The following SSBP1 variants were observed in gnomAD, a reference collection of about 807,000 sequenced individuals.
The protein encoded by SSBP1 is single stranded DNA binding protein 1.
SSBP1 carries 20 observed loss-of-function variants against 27.0 expected under a neutral mutation model. The ratio of observed to expected loss-of-function variants is 0.74; its 90% CI spans 0.52 to 1.08. SSBP1 has a LOEUF of 1.08. Ranked by LOEUF, SSBP1 falls within the 50% of genes least tolerant of loss-of-function variation. The pLI, the probability that SSBP1 is intolerant of heterozygous loss-of-function variation, is 0.00. For synonymous variants in SSBP1, 59 were observed against 59.3 expected, an observed-to-expected ratio of 1.00 and a Z score of 0.02; for missense variants, 137 against 182.4, an observed-to-expected ratio of 0.75 and a Z score of 1.44.
intron 2 of SSBP1, chr7:141,740,489 C>G (rs1301084152): frequency 2.0e-5 from 3 of 152,186 alleles, no homozygotes; most frequent in Admixed American, 2.0e-4. Context: ...TCACTTGCCA[C>G]ATACTTCCTG....
chr7:141,750,240 TAG>T, intron 6 of SSBP1, 69 bp from the exon 7 acceptor site: 1 of 1,111,032 alleles, frequency 9.0e-7, no homozygotes. Context: ...TTATATGTAT[TAG>T]AGGAGAATTA....
At chr7:141,741,106 C>T (rs998693868) in intron 2 of SSBP1, 1 of 152,190 alleles carries the variant, frequency 6.6e-6, no homozygotes, top group African/African-American at 2.4e-5. Context: ...CTTTTTGGCA[C>T]TGATAACTGG....
chr7:141,745,419 C>A, intron 5 of SSBP1, 77 bp from the exon 6 acceptor site: 1 of 1,243,530 alleles, frequency 8.0e-7, no homozygotes, highest in Non-Finnish European at 1.1e-6. Flanking sequence ...TTGTCATATA[C>A]TCAGTACCAC....
intron 2 of SSBP1, chr7:141,740,581 T>G (rs996134849): frequency 2.0e-5 from 3 of 152,134 alleles, no homozygotes; most frequent in African/African-American, 7.2e-5. Context: ...ACTTGTAGAT[T>G]TAGTTTTAGA....
intron 6 of SSBP1, among the ~76,000 whole-genome samples, chr7:141,747,106 T>G (rs1044115752): frequency 6.6e-6 from 1 of 151,068 alleles, no homozygotes; most frequent in Non-Finnish European, 1.5e-5. Context: ...TCTTCTCAAT[T>G]GACTTATCAT....
chr7:141,741,773 T>TTTGAAAAAG (rs1799541951), intron 2 of SSBP1: 1 of 998,618 alleles, frequency 1.0e-6, no homozygotes, highest in Admixed American at 5.9e-5. Flanking sequence ...ATTTTGAAAA[T>TTTGAAAAAG]ACTTGGCAGC....
At chr7:141,749,271 C>T (rs1799888305) in intron 6 of SSBP1, among the ~76,000 whole-genome samples, 1 of 152,156 alleles carries the variant, frequency 6.6e-6, no homozygotes, top group South Asian at 2.1e-4. Context: ...CATTTTATAT[C>T]AGGGACTTGA....
At chr7:141,743,532 T>A (rs1163040967) in intron 3 of SSBP1, 29 bp from the exon 4 acceptor site, 1 of 1,611,952 alleles carries the variant, frequency 6.2e-7, no homozygotes, top group Non-Finnish European at 8.5e-7. Flanking sequence ...TAGCAGGTTG[T>A]CTCATTTGGT....
At chr7:141,745,734 A>T in intron 6 of SSBP1, 150 bp downstream of exon 6, 3 of 1,382,246 alleles carry the variant, frequency 2.2e-6, no homozygotes, top group Non-Finnish European at 2.8e-6. Flanking sequence ...TTATTTCTCT[A>T]CTTGCTAAGA....
intron 6 of SSBP1, 155 bp downstream of exon 6, chr7:141,745,739 C>CT: frequency 7.3e-7 from 1 of 1,371,704 alleles, no homozygotes; most frequent in Non-Finnish European, 9.5e-7. Context: ...TCTCTACTTG[C>CT]TAAGAGTTTG....
At chr7:141,747,091 C>A (rs149165316) in intron 6 of SSBP1, among the ~76,000 whole-genome samples, 1,794 of 152,212 alleles carry the variant, frequency 0.012, 32 homozygotes, top group African/African-American at 0.041. Flanking sequence ...AATTCTATGA[C>A]AAATTCTTCT....
At chr7:141,742,091 T>A in intron 2 of SSBP1, 78 bp from the exon 3 acceptor site, 7 of 1,070,584 alleles carry the variant, frequency 6.5e-6, no homozygotes, top group Non-Finnish European at 1.0e-5. Flanking sequence ...ATATGGTGAA[T>A]GAACGTGAGT....
intron 6 of SSBP1, chr7:141,745,889 T>G: frequency 2.8e-6 from 3 of 1,090,826 alleles, no homozygotes; most frequent in Non-Finnish European, 3.3e-6. Context: ...TGTATTGTCT[T>G]TTGGAAGGAT....
chr7:141,744,096 A>C, intron 5 of SSBP1, 107 bp downstream of exon 5: 2 of 899,398 alleles, frequency 2.2e-6, no homozygotes, highest in South Asian at 3.6e-5. Context: ...GAGTACTACT[A>C]ATGACTGTAT....
intron 6 of SSBP1, among the ~76,000 whole-genome samples, chr7:141,749,571 C>A (rs1446887603): frequency 1.3e-5 from 2 of 152,206 alleles, no homozygotes; most frequent in African/African-American, 2.4e-5. Flanking sequence ...CACTTGAGGT[C>A]AGGAGTTCAA....
At chr7:141,745,165 G>C (rs924135237) in intron 5 of SSBP1, among the ~76,000 whole-genome samples, 1 of 152,104 alleles carries the variant, frequency 6.6e-6, no homozygotes, top group African/African-American at 2.4e-5. Flanking sequence ...CAAAATCAAA[G>C]GTCAAGGAAA....
intron 6 of SSBP1, among the ~76,000 whole-genome samples, chr7:141,747,065 T>G (rs955906342): frequency 7.2e-5 from 11 of 152,194 alleles, no homozygotes; most frequent in Non-Finnish European, 1.5e-4. Flanking sequence ...AAAAGAAACT[T>G]TAAAATATTT....
intron 5 of SSBP1, among the ~76,000 whole-genome samples, chr7:141,744,213 T>TA (rs1417633727): frequency 1.3e-5 from 2 of 152,378 alleles, no homozygotes; most frequent in South Asian, 2.1e-4. Flanking sequence ...TCTAAGAACT[T>TA]ACAGTTTAGG....
chr7:141,747,424 C>T (rs1228310794), intron 6 of SSBP1, among the ~76,000 whole-genome samples: 1 of 127,000 alleles, frequency 7.9e-6, no homozygotes, highest in South Asian at 2.5e-4. Context: ...GCGTCTCACT[C>T]TGTTGCCCCG....
Sources: allele counts gnomAD v4.1 joint callset (sites outside exome capture counted in the v4.1 genomes callset), GRCh38; gene constraint gnomAD v4.1.1; transcripts MANE v1.5; gene names NCBI Gene and HGNC (gene_info 2026-07-23, HGNC 2026-07-21).